Variants in CENPW observed in about 807,000 individuals in gnomAD.
CENPW encodes the protein centromere protein W, also known as cancer-up-regulated gene 2 protein.
CENPW carries 3 observed loss-of-function variants against 11.1 expected under a neutral mutation model. That is an observed-to-expected ratio of 0.27 (90% CI 0.12 to 0.70). The LOEUF is 0.70. Among genes scored for constraint, CENPW ranks in the 30% least tolerant of loss-of-function variants. The probability of loss-of-function intolerance (pLI) is 0.77; values close to 1 mark genes in which losing one functional copy is unlikely to be tolerated. For missense variants in CENPW, 100 were observed against 105.6 expected (o/e 0.95, Z 0.23); for synonymous variants, 38 against 42.0 (o/e 0.91, Z 0.37).
At chr6:126,417,756 C>T in the CENPW span, among the ~76,000 whole-genome samples, 1 of 152,062 alleles carries the variant, frequency 6.6e-6, no homozygotes, top group Non-Finnish European at 1.5e-5. Context: ...TTGGGTATGT[C>T]TTTATCAGCA....
chr6:126,477,899 C>T, the CENPW span, among the ~76,000 whole-genome samples: 5 of 151,924 alleles, frequency 3.3e-5, no homozygotes, highest in Admixed American at 6.6e-5. Context: ...TATTGCCAAC[C>T]GTCTTTTGCT....
At chr6:126,359,861 A>G in the CENPW span, among the ~76,000 whole-genome samples, 1 of 149,730 alleles carries the variant, frequency 6.7e-6, no homozygotes, top group Non-Finnish European at 1.5e-5. Context: ...GACAGCAGAT[A>G]GTTGGGTCTT....
the CENPW span, among the ~76,000 whole-genome samples, chr6:126,409,872 T>C: frequency 3.9e-5 from 6 of 152,080 alleles, no homozygotes; most frequent in African/African-American, 1.4e-4. Flanking sequence ...TCAGCTAGTC[T>C]ATGTCTTTTA....
the CENPW span, among the ~76,000 whole-genome samples, chr6:126,370,638 A>G: frequency 1.3e-5 from 2 of 152,182 alleles, no homozygotes; most frequent in Non-Finnish European, 2.9e-5. Flanking sequence ...CTCTGATTTC[A>G]TTGAGCAGTT....
the CENPW span, among the ~76,000 whole-genome samples, chr6:126,454,742 T>C: frequency 4.6e-5 from 7 of 150,934 alleles, no homozygotes; most frequent in South Asian, 2.1e-4. Flanking sequence ...CTGAAGGAAA[T>C]TGAGACACAA....
the CENPW span, among the ~76,000 whole-genome samples, chr6:126,398,434 C>A: frequency 6.6e-6 from 1 of 151,986 alleles, no homozygotes. Context: ...GTTCCAGGAC[C>A]GACCTCCCAA....
the CENPW span, among the ~76,000 whole-genome samples, chr6:126,475,673 C>T: frequency 3.9e-5 from 6 of 151,944 alleles, no homozygotes; most frequent in Non-Finnish European, 1.5e-5. Context: ...GTTTACATTT[C>T]CTCATTTGTA....
the CENPW span, among the ~76,000 whole-genome samples, chr6:126,417,972 T>C: frequency 6.6e-6 from 1 of 152,110 alleles, no homozygotes; most frequent in Non-Finnish European, 1.5e-5. Flanking sequence ...AAAGAAAATA[T>C]AAAAATGGCT....
At chr6:126,390,687 A>T in the CENPW span, among the ~76,000 whole-genome samples, 26 of 151,824 alleles carry the variant, frequency 1.7e-4, no homozygotes, top group Non-Finnish European at 3.5e-4. Context: ...ACTTGTTTAA[A>T]TTTTTAGCTC....
chr6:126,384,975 G>A, the CENPW span, among the ~76,000 whole-genome samples: 5 of 151,862 alleles, frequency 3.3e-5, no homozygotes, highest in Non-Finnish European at 7.4e-5. Context: ...TTTCAAATGC[G>A]TACACACATT....
the CENPW span, among the ~76,000 whole-genome samples, chr6:126,455,553 A>G: frequency 6.6e-6 from 1 of 151,416 alleles, no homozygotes; most frequent in Non-Finnish European, 1.5e-5. Flanking sequence ...CAAACTAGGT[A>G]TTGAAGCAAC....
Position 126,348,641 on chromosome 6 carries a change from A to G in CENPW, c.*149A>G, listed in dbSNP as rs1020882746. The G allele has an allele frequency of 2.7e-5, 15 of 548,372 alleles. No individual in the cohort carries two copies. The African/African-American group carries it at 3.0e-4, about 11-fold the overall frequency. 34.0% of individuals were successfully genotyped at this position (548,372 alleles called of 1,614,324 possible). On this transcript the variant is annotated 3_prime_UTR_variant, in exon 3 of 3. Transcript: ENST00000368328. ...GTTTGTATTTTTTTTCTGGCATGAA[A>G]TATCTCAAGTAAATGCATAGGACTA...
chr6:126,359,138 A>C, the CENPW span, among the ~76,000 whole-genome samples: 1 of 151,972 alleles, frequency 6.6e-6, no homozygotes. Context: ...CCCTATTTTC[A>C]TTAATTTCAA....
the CENPW span, among the ~76,000 whole-genome samples, chr6:126,412,955 T>A: frequency 6.6e-6 from 1 of 152,150 alleles, no homozygotes; most frequent in Non-Finnish European, 1.5e-5. Context: ...GTGTTCTTCC[T>A]ATGATTTAGT....
At chr6:126,440,318 AAAGAG>A in the CENPW span, among the ~76,000 whole-genome samples, 2 of 151,764 alleles carry the variant, frequency 1.3e-5, no homozygotes, top group Non-Finnish European at 1.5e-5. Flanking sequence ...ACTGAACTAA[AAAGAG>A]AAAAGACAGT....
At chr6:126,412,871 A>C in the CENPW span, among the ~76,000 whole-genome samples, 1 of 151,990 alleles carries the variant, frequency 6.6e-6, no homozygotes, top group Non-Finnish European at 1.5e-5. Flanking sequence ...TCTTTCAGCT[A>C]TTGTATTTGT....
chr6:126,346,773 T>C (rs1418528241), intron 2 of CENPW, among the ~76,000 whole-genome samples: 1 of 152,134 alleles, frequency 6.6e-6, no homozygotes, highest in African/African-American at 2.4e-5. Flanking sequence ...ATCTAATCAC[T>C]TCCCTTCCTC....
the CENPW span, among the ~76,000 whole-genome samples, chr6:126,433,564 G>A: frequency 6.6e-6 from 1 of 152,176 alleles, no homozygotes; most frequent in African/African-American, 2.4e-5. Flanking sequence ...TCTGAAAACT[G>A]AAGAGTGGAG....
the CENPW span, among the ~76,000 whole-genome samples, chr6:126,357,665 G>T: frequency 1.5e-4 from 22 of 151,724 alleles, no homozygotes; most frequent in African/African-American, 5.1e-4. Flanking sequence ...CTGTAGTGCA[G>T]TGGTGCAATT....
Sources: allele counts gnomAD v4.1 joint callset (sites outside exome capture counted in the v4.1 genomes callset), GRCh38; gene constraint gnomAD v4.1.1; transcripts MANE v1.5; gene names NCBI Gene and HGNC (gene_info 2026-07-23, HGNC 2026-07-21).